SPATA31H1: variants seen among roughly 807,000 people sequenced by gnomAD.
The protein encoded by SPATA31H1 is spermatogenesis-associated protein 31H1.
the SPATA31H1 span, among the ~76,000 whole-genome samples, chr2:27,540,026 C>A: frequency 0.015 from 1,639 of 112,834 alleles, no homozygotes; most frequent in African/African-American, 0.031. Context: ...CTGACCCCCC[C>A]ACCTCCCTCC....
At chr2:27,554,786 C>A in the SPATA31H1 span, among the ~76,000 whole-genome samples, 1 of 151,968 alleles carries the variant, frequency 6.6e-6, no homozygotes, top group Non-Finnish European at 1.5e-5. Context: ...GTTGACCAGG[C>A]TGGTCTCAAA....
chr2:27,582,356 C>T, the SPATA31H1 span: 4 of 1,614,212 alleles, frequency 2.5e-6, no homozygotes, highest in Non-Finnish European at 3.4e-6. Flanking sequence ...ATTGCAGTCC[C>T]TCTGAGAGGA....
At chr2:27,564,966 G>T in the SPATA31H1 span, among the ~76,000 whole-genome samples, 2 of 151,848 alleles carry the variant, frequency 1.3e-5, no homozygotes, top group African/African-American at 4.8e-5. Context: ...TGTCAGCCTA[G>T]CATCTCCCAC....
the SPATA31H1 span, among the ~76,000 whole-genome samples, chr2:27,546,876 A>G: frequency 6.6e-6 from 1 of 152,040 alleles, no homozygotes; most frequent in Non-Finnish European, 1.5e-5. Flanking sequence ...AAAAAAATCC[A>G]TGATGAACAA....
At chr2:27,543,531 C>G in the SPATA31H1 span, among the ~76,000 whole-genome samples, 1 of 144,740 alleles carries the variant, frequency 6.9e-6, no homozygotes. Flanking sequence ...CTTAAGCCTC[C>G]CTTTAACTAG....
At chr2:27,581,846 T>C in the SPATA31H1 span, 16 of 1,610,248 alleles carry the variant, frequency 9.9e-6, no homozygotes, top group African/African-American at 1.8e-4. Context: ...AGAGAAGCCA[T>C]TGCAGTCCCT....
the SPATA31H1 span, chr2:27,577,131 G>C: frequency 1.9e-6 from 3 of 1,614,070 alleles, no homozygotes; most frequent in Admixed American, 1.7e-5. The surrounding 1 kb of genome is among the most constrained non-coding windows in gnomAD (Gnocchi z 4.5). Flanking sequence ...AAAGCTAACA[G>C]GTAGAGCTAA....
chr2:27,565,252 T>C, the SPATA31H1 span: 1 of 680,652 alleles, frequency 1.5e-6, no homozygotes, highest in Non-Finnish European at 2.7e-6. Flanking sequence ...CAATATCTGA[T>C]ATCTAAAAGG....
the SPATA31H1 span, chr2:27,572,239 A>T: frequency 4.4e-4 from 176 of 398,506 alleles, no homozygotes; most frequent in African/African-American, 3.4e-3. Flanking sequence ...CCACAGTTGC[A>T]CCAAGTGAAA....
the SPATA31H1 span, chr2:27,581,818 G>C: frequency 6.2e-7 from 1 of 1,610,022 alleles, no homozygotes; most frequent in Non-Finnish European, 8.5e-7. Flanking sequence ...TCTGAGAGAA[G>C]ACATCACAGT....
the SPATA31H1 span, chr2:27,577,831 C>T: frequency 6.2e-7 from 1 of 1,614,052 alleles, no homozygotes; most frequent in Non-Finnish European, 8.5e-7. The surrounding 1 kb of genome is among the most constrained non-coding windows in gnomAD (Gnocchi z 4.5). Context: ...TTAGAGGTGC[C>T]CCTGAAGCAA....
chr2:27,539,342 C>G, the SPATA31H1 span, among the ~76,000 whole-genome samples: 23 of 144,952 alleles, frequency 1.6e-4, no homozygotes, highest in African/African-American at 5.9e-4. Flanking sequence ...TGCCTTCAAG[C>G]ATCTGTTTAA....
chr2:27,561,137 C>A, the SPATA31H1 span, among the ~76,000 whole-genome samples: 1 of 152,092 alleles, frequency 6.6e-6, no homozygotes, highest in Non-Finnish European at 1.5e-5. Flanking sequence ...TTGAGACCAG[C>A]CTGGCCAATA....
At chr2:27,579,972 C>T in the SPATA31H1 span, 39 of 1,614,216 alleles carry the variant, frequency 2.4e-5, no homozygotes, top group Middle Eastern at 2.3e-3. Flanking sequence ...TAATTGCCAT[C>T]ATAAATTACA....
At chr2:27,566,816 G>A in the SPATA31H1 span, 1 of 717,750 alleles carries the variant, frequency 1.4e-6, no homozygotes, top group Non-Finnish European at 2.6e-6. Flanking sequence ...TGGCTCAGAA[G>A]ACTGTTCTAT....
chr2:27,558,890 GGAGGGA>G, the SPATA31H1 span, among the ~76,000 whole-genome samples: 18 of 92,474 alleles, frequency 1.9e-4, no homozygotes, highest in African/African-American at 4.4e-4. Flanking sequence ...GGGAGACCGT[GGAGGGA>G]GAGGGAGAGG....
chr2:27,581,325 C>A, the SPATA31H1 span: 3 of 1,613,976 alleles, frequency 1.9e-6, no homozygotes, highest in Non-Finnish European at 2.5e-6. Context: ...ACATCACAGT[C>A]CCTCTCAGAG....
the SPATA31H1 span, chr2:27,571,402 C>A: frequency 2.5e-6 from 1 of 398,368 alleles, no homozygotes; most frequent in South Asian, 1.3e-4. Flanking sequence ...ACCTTAGGGT[C>A]ACAGACAGAA....
At chr2:27,575,357 G>A in the SPATA31H1 span, 2 of 398,470 alleles carry the variant, frequency 5.0e-6, no homozygotes, top group South Asian at 2.5e-4. This position sits in a 1 kb window ranked among gnomAD's most constrained non-coding sequence, Gnocchi z 4.1. Flanking sequence ...TCAATCCTGA[G>A]CCACATCTGC....
Sources: gnomAD v4.1 joint callset for allele counts (sites outside exome capture counted in the v4.1 genomes callset) on GRCh38, gnomAD v4.1.1 for gene constraint, Gnocchi (gnomAD v3.1) non-coding constraint, MANE v1.5 for transcripts, NCBI Gene and HGNC (gene_info 2026-07-23, HGNC 2026-07-21) for gene names.